The following RNLS variants were observed in gnomAD, a reference collection of about 807,000 sequenced individuals.
RNLS encodes renalase.
Under a neutral mutation model 39.8 loss-of-function variants are expected in RNLS, and 39 were observed. The ratio of observed to expected loss-of-function variants is 0.98; its 90% CI spans 0.76 to 1.28. The LOEUF (loss-of-function observed/expected upper bound fraction) is 1.28, where lower values mean the gene tolerates loss of function less well. RNLS is among the 50% of genes most tolerant of loss of function. The probability of loss-of-function intolerance (pLI) is 0.00; values close to 1 mark genes in which losing one functional copy is unlikely to be tolerated. For synonymous variants in RNLS, 147 were observed against 150.7 expected (o/e 0.98, Z 0.18); for missense variants, 410 against 413.3 (o/e 0.99, Z 0.07).
the RNLS span, among the ~76,000 whole-genome samples, chr10:88,193,085 A>G: frequency 1.3e-5 from 2 of 152,082 alleles, no homozygotes; most frequent in African/African-American, 4.8e-5. Flanking sequence ...AGCCTGGAAA[A>G]TCTGGAAATT....
chr10:88,425,067 C>T (rs1028434374), intron 4 of RNLS, among the ~76,000 whole-genome samples: 16 of 152,072 alleles, frequency 1.1e-4, no homozygotes, highest in Non-Finnish European at 1.9e-4. Flanking sequence ...TGCCACACAC[C>T]GTAAAACTGG....
At chr10:88,471,520 A>C (rs191615941) in intron 4 of RNLS, among the ~76,000 whole-genome samples, 182 of 152,310 alleles carry the variant, frequency 1.2e-3, no homozygotes, top group Admixed American at 2.3e-3. Flanking sequence ...CTCTGGAAGA[A>C]TGTATAGAGT....
intron 4 of RNLS, among the ~76,000 whole-genome samples, chr10:88,459,845 A>G (rs1842846981): frequency 6.6e-6 from 1 of 152,184 alleles, no homozygotes; most frequent in South Asian, 2.1e-4. Context: ...TAGACCTTTA[A>G]CAGCACTAAA....
At chr10:88,381,341 G>A (rs529112005) in intron 4 of RNLS, among the ~76,000 whole-genome samples, 55 of 152,102 alleles carry the variant, frequency 3.6e-4, no homozygotes, top group African/African-American at 1.2e-3. Flanking sequence ...ATCTACTCAC[G>A]TACAATTATT....
rs536398093 is a variant in RNLS at position 88,562,988 on chromosome 10, T to C, written c.526+9915A>G. Among the ~76,000 whole-genome samples the C allele has an allele frequency of 6.6e-5, 10 of 152,286 alleles. No individual in the cohort carries two copies. The South Asian group carries it at 2.1e-3, about 32-fold the overall frequency. On this transcript the variant is annotated intron_variant, in intron 4 of 6. Transcript: ENST00000331772. Reference sequence around the variant, plus strand: ...CAATCTCCATAAATATTATAAAATATTTCTTAACATGCCTAATAAGTAATG... The same window carrying C: ...CAATCTCCATAAATATTATAAAATACTTCTTAACATGCCTAATAAGTAATG...
At chr10:88,399,086 A>G (rs984578128) in intron 4 of RNLS, among the ~76,000 whole-genome samples, 3 of 152,042 alleles carry the variant, frequency 2.0e-5, no homozygotes, top group Admixed American at 6.6e-5. Context: ...CCACAATGGC[A>G]TATCATTTCA....
At chr10:88,193,788 T>C in the RNLS span, among the ~76,000 whole-genome samples, 6 of 152,160 alleles carry the variant, frequency 3.9e-5, no homozygotes, top group African/African-American at 1.4e-4. Flanking sequence ...GCAAGGACTG[T>C]GCTGTTTTTA....
At chr10:88,348,796 A>C (rs917775384) in intron 5 of RNLS, among the ~76,000 whole-genome samples, 1 of 152,170 alleles carries the variant, frequency 6.6e-6, no homozygotes, top group Non-Finnish European at 1.5e-5. Context: ...TTATTGGGTT[A>C]ATGTTGACAG....
chr10:88,371,413 C>T lies in RNLS; in HGVS notation c.527-8688G>A, dbSNP rs142528478. Among the ~76,000 whole-genome samples the T allele has an allele frequency of 8.3e-3, 1,268 of 152,118 alleles. 19 individuals carry two copies. Among genetic ancestry groups the T allele is most frequent in the South Asian group, 0.029 (141 of 4,824 alleles). On this transcript the variant is annotated intron_variant, in intron 4 of 6. Coordinates refer to ENST00000331772, the MANE Select transcript of RNLS (RefSeq NM_001031709.3). The stretch of plus-strand genomic sequence containing the variant: ...ACACGTCTTTGTCTAGTAAACTGCA[C>T]GGCTACACTTCACTTTTCAGAGTAG...
the RNLS span, among the ~76,000 whole-genome samples, chr10:88,176,892 C>A: frequency 1.3e-5 from 2 of 152,176 alleles, no homozygotes; most frequent in African/African-American, 4.8e-5. Flanking sequence ...TTACAGTGTT[C>A]TTTCAGCACT....
intron 4 of RNLS, among the ~76,000 whole-genome samples, chr10:88,555,959 C>T (rs1438834880): frequency 6.6e-6 from 1 of 152,086 alleles, no homozygotes; most frequent in Non-Finnish European, 1.5e-5. Context: ...TGATGATTTT[C>T]AAATATATCT....
intron 6 of RNLS, among the ~76,000 whole-genome samples, chr10:88,310,175 T>G (rs980754632): frequency 6.6e-6 from 1 of 152,184 alleles, no homozygotes; most frequent in East Asian, 1.9e-4. Flanking sequence ...TCATAACCAC[T>G]GCACTCCAGC....
At chr10:88,365,924 A>G (rs755726076) in intron 4 of RNLS, among the ~76,000 whole-genome samples, 98 of 152,130 alleles carry the variant, frequency 6.4e-4, no homozygotes, top group Non-Finnish European at 1.3e-3. Flanking sequence ...AAAGAAGGCT[A>G]ATAATACATA....
chr10:88,377,176 C>T (rs1589686356), intron 4 of RNLS, among the ~76,000 whole-genome samples: 2 of 151,898 alleles, frequency 1.3e-5, no homozygotes, highest in Admixed American at 6.6e-5. Flanking sequence ...AAGGTGTATT[C>T]TCCACATCTC....
the RNLS span, among the ~76,000 whole-genome samples, chr10:88,216,656 C>G: frequency 6.6e-6 from 1 of 152,146 alleles, no homozygotes; most frequent in Non-Finnish European, 1.5e-5. Flanking sequence ...ATGCTTTTCT[C>G]TGGAGCACAG....
chr10:88,228,093 T>A, the RNLS span, among the ~76,000 whole-genome samples: 1 of 152,206 alleles, frequency 6.6e-6, no homozygotes, highest in African/African-American at 2.4e-5. Flanking sequence ...TGCTTTGTCA[T>A]CTTCAGGTTA....
intron 4 of RNLS, among the ~76,000 whole-genome samples, chr10:88,537,970 G>C (rs1303073969): frequency 6.6e-6 from 1 of 152,030 alleles, no homozygotes; most frequent in South Asian, 2.1e-4. Flanking sequence ...AGGGGAACTT[G>C]GAGAAAAAAA....
intron 4 of RNLS, among the ~76,000 whole-genome samples, chr10:88,363,042 T>C (rs1488627290): frequency 3.3e-5 from 5 of 152,200 alleles, no homozygotes; most frequent in African/African-American, 1.2e-4. Flanking sequence ...ACATTATAGA[T>C]TCCATACACT....
chr10:88,218,546 G>A, the RNLS span, among the ~76,000 whole-genome samples: 1 of 152,190 alleles, frequency 6.6e-6, no homozygotes. Flanking sequence ...GGACAGCTTG[G>A]ACGGCTGGCT....
Sources: allele counts gnomAD v4.1 joint callset (sites outside exome capture counted in the v4.1 genomes callset), GRCh38; gene constraint gnomAD v4.1.1; transcripts MANE v1.5; gene names NCBI Gene and HGNC (gene_info 2026-07-23, HGNC 2026-07-21).